The following MYO9A variants were observed in gnomAD, a reference collection of about 807,000 sequenced individuals.
The protein encoded by MYO9A is unconventional myosin-IXa.
A neutral mutation model predicts 293.3 loss-of-function variants in MYO9A; 103 were observed. The observed-to-expected ratio is 0.35, with a 90% CI of 0.30 to 0.41. The LOEUF (loss-of-function observed/expected upper bound fraction) is 0.41. Ranked by LOEUF, MYO9A falls within the 10% of genes least tolerant of loss-of-function variation. MYO9A has a pLI of 1.00. For missense variants in MYO9A, 2,685 were observed against 3,033.0 expected (o/e 0.89, Z 2.69); for synonymous variants, 1,001 against 1,035.7 (o/e 0.97, Z 0.64).
chr15:71,876,014 G>C (rs529072562), intron 31 of MYO9A, among the ~76,000 whole-genome samples, 176 bp from the exon 32 acceptor site: 34 of 152,236 alleles, frequency 2.2e-4, no homozygotes, highest in African/African-American at 8.2e-4. Flanking sequence ...TTTAAAATCT[G>C]ATAAAACATA....
At chr15:72,062,107 G>A (rs1024160403) in intron 1 of MYO9A, among the ~76,000 whole-genome samples, 1 of 152,208 alleles carries the variant, frequency 6.6e-6, no homozygotes, top group African/African-American at 2.4e-5. Context: ...GTACCTCTAC[G>A]AGTCTGCAAA....
chr15:71,824,882 G>GAGGCAGTGGCGTGAGGT lies in MYO9A; in HGVS notation c.*1681_*1697dup. The GAGGCAGTGGCGTGAGGT allele has an allele frequency of 6.6e-6, 1 of 152,144 alleles. No individual in the cohort carries two copies. The highest frequency in any genetic ancestry group is 1.5e-5 in the Non-Finnish European group (1 of 68,024). 9.4% of individuals were successfully genotyped at this position (152,144 alleles called of 1,614,324 possible). On this transcript the variant is annotated 3_prime_UTR_variant, in exon 42 of 42. Coordinates refer to ENST00000356056, the MANE Select transcript of MYO9A (RefSeq NM_006901.4). ...CCTCTGGGGCTGGCCAATAACCACT[G>GAGGCAGTGGCGTGAGGT]AGGCAGTGGCGTGAGGTTCAGTGTT...
intron 18 of MYO9A, among the ~76,000 whole-genome samples, chr15:71,918,568 T>C (rs974998037): frequency 1.3e-5 from 2 of 152,110 alleles, no homozygotes; most frequent in Non-Finnish European, 2.9e-5. Context: ...TTTGTTTTAC[T>C]TTTATTGGCA....
At chr15:72,015,008 T>C (rs2077289716) in intron 6 of MYO9A, among the ~76,000 whole-genome samples, 1 of 114,366 alleles carries the variant, frequency 8.7e-6, no homozygotes, top group South Asian at 3.4e-4. Context: ...CACGCCCTGC[T>C]AATTTTTTTT....
chr15:71,916,275 A>C (rs915521630), intron 19 of MYO9A, 95 bp downstream of exon 19: 71 of 1,388,280 alleles, frequency 5.1e-5, no homozygotes, highest in Non-Finnish European at 6.2e-5. Context: ...CATAAATTAA[A>C]ATCCCATTCA....
chr15:72,086,261 G>A (rs2079722855), intron 1 of MYO9A, among the ~76,000 whole-genome samples: 1 of 152,214 alleles, frequency 6.6e-6, no homozygotes, highest in Non-Finnish European at 1.5e-5. Flanking sequence ...AACTATGCAT[G>A]TGGTCACACT....
At position 71,854,511 on chromosome 15, in the gene MYO9A, T is replaced by C. The variant is rs779124710; in HGVS notation, c.6212A>G (p.Glu2071Gly). ...FGVELSRLTSEDRTVPLVVEK... is the reference protein window; with the variant it reads ...FGVELSRLTSGDRTVPLVVEK... Reference sequence around the variant, plus strand: ...CACTACTAAAGGAACAGTTCGGTCTTCACTGGTCAAACGGGACAGTTCAAC... The same window carrying C: ...CACTACTAAAGGAACAGTTCGGTCTCCACTGGTCAAACGGGACAGTTCAAC... The change falls in exon 35 of 42, where the codon GAA becomes GGA. Residue 2071 changes from glutamate to glycine, a missense_variant. Glu to Gly is a moderately conservative substitution (Grantham distance 98). Transcript: ENST00000356056. 3.7e-6 allele frequency: 6 copies of C among 1,613,048 alleles called. No homozygotes were observed. Among genetic ancestry groups the C allele is most frequent in the East Asian group, 2.2e-5 (1 of 44,856 alleles).
At chr15:72,026,865 GAAAGAT>G in intron 4 of MYO9A, among the ~76,000 whole-genome samples, 1 of 152,088 alleles carries the variant, frequency 6.6e-6, no homozygotes, top group East Asian at 1.9e-4. Context: ...CAAATTCCTA[GAAAGAT>G]AAAAACTACC....
chr15:72,076,428 A>C (rs1270229052), intron 1 of MYO9A, among the ~76,000 whole-genome samples: 1 of 150,328 alleles, frequency 6.7e-6, no homozygotes, highest in East Asian at 2.0e-4. Flanking sequence ...ATACAAGGTC[A>C]ATCTACACAA....
chr15:71,874,729 T>G (rs2056629028), intron 32 of MYO9A, among the ~76,000 whole-genome samples: 1 of 152,162 alleles, frequency 6.6e-6, no homozygotes, highest in African/African-American at 2.4e-5. Flanking sequence ...TTCAAAATAT[T>G]TTGAAGGTAG....
intron 40 of MYO9A, among the ~76,000 whole-genome samples, chr15:71,829,401 C>T (rs934915869): frequency 3.3e-5 from 5 of 152,046 alleles, no homozygotes; most frequent in African/African-American, 9.7e-5. Flanking sequence ...TCATCAATGT[C>T]GACCAGAACT....
At chr15:71,954,805 T>C (rs920573380) in intron 14 of MYO9A, among the ~76,000 whole-genome samples, 1 of 152,248 alleles carries the variant, frequency 6.6e-6, no homozygotes, top group Non-Finnish European at 1.5e-5. Context: ...GGACTTGGAC[T>C]ATGTAACAGA....
chr15:72,046,209 C>T lies in MYO9A; in HGVS notation c.355G>A (p.Gly119Ser). The T allele has an allele frequency of 6.2e-7, 1 of 1,613,946 alleles. No homozygotes were observed. The highest frequency in any genetic ancestry group is 8.5e-7 in the Non-Finnish European group (1 of 1,179,946). ...EKNLDGSIHYGSLQSWLRVTE... is the reference protein window; with the variant it reads ...EKNLDGSIHYSSLQSWLRVTE... ...ACCCGTAGCCATGACTGCAGGCTACCATAATGGATTGATCCATCAAGGTTT... is the reference window on the plus strand; with the variant it reads ...ACCCGTAGCCATGACTGCAGGCTACTATAATGGATTGATCCATCAAGGTTT... The change falls in exon 2 of 42, where the codon GGT becomes AGT. Residue 119 changes from glycine to serine, a missense_variant. Physicochemically the swap from Gly to Ser is moderately conservative, Grantham distance 56. This residue lies in a region of MYO9A where 63 missense variants were observed against 57.9 expected (regional missense o/e 1.09). Transcript: ENST00000356056.
chr15:71,854,137 C>T (rs371721298), intron 35 of MYO9A, among the ~76,000 whole-genome samples: 3 of 152,250 alleles, frequency 2.0e-5, no homozygotes, highest in Admixed American at 2.0e-4. Context: ...TAAATTATTA[C>T]AAAAATTAAA....
chr15:71,910,089 TATATATATATAC>T (rs2144352826), intron 19 of MYO9A, among the ~76,000 whole-genome samples: 1 of 146,884 alleles, frequency 6.8e-6, no homozygotes, highest in African/African-American at 2.5e-5. Flanking sequence ...TATATACACG[TATATATATATAC>T]GTATATATAT....
At position 72,079,036 on chromosome 15, in the gene MYO9A, CG is replaced by C. The variant is rs150795203; in HGVS notation, c.-71-32403del. Among the ~76,000 whole-genome samples, 635 of 152,260 alleles carry C rather than the reference CG, an allele frequency of 4.2e-3. 5 individuals are homozygous for C. Among genetic ancestry groups the C allele is most frequent in the African/African-American group, 0.015 (608 of 41,530 alleles). ...GAAACTATTCTCTATGATACTGTAA[CG>C]GTACAGACATGTCATTATACATCTG... On this transcript the variant is annotated intron_variant, in intron 1 of 41. Coordinates refer to ENST00000356056, the MANE Select transcript of MYO9A (RefSeq NM_006901.4).
chr15:71,826,436 G>C lies in MYO9A; in HGVS notation c.*144C>G, dbSNP rs2625529. The C allele has an allele frequency of 0.24, 183,336 of 765,274 alleles. 23,133 individuals are homozygous for C. Among genetic ancestry groups the C allele is most frequent in the East Asian group, 0.38 (13,627 of 35,768 alleles). The allele number at this position is 765,274 out of a possible 1,614,324, so 47.4% of individuals were successfully genotyped here. ...CTTCTGCAGGAGGCCCAGGAATTCA[G>C]CACATACAGTCTTAGCCATATGCTT... On this transcript the variant is annotated 3_prime_UTR_variant, in exon 42 of 42. Coordinates refer to ENST00000356056, the MANE Select transcript of MYO9A (RefSeq NM_006901.4).
chr15:71,842,791 C>T (rs796181210), intron 39 of MYO9A, among the ~76,000 whole-genome samples: 11 of 150,850 alleles, frequency 7.3e-5, no homozygotes, highest in African/African-American at 1.5e-4. Flanking sequence ...ACCCAGGAGG[C>T]GGAGCTTGCA....
intron 39 of MYO9A, among the ~76,000 whole-genome samples, chr15:71,830,548 C>T (rs2054681028): frequency 6.6e-6 from 1 of 152,138 alleles, no homozygotes; most frequent in Non-Finnish European, 1.5e-5. Flanking sequence ...TGTAAGAACC[C>T]ATTGTGTACT....
Sources: allele counts gnomAD v4.1 joint callset (sites outside exome capture counted in the v4.1 genomes callset), GRCh38; gene constraint gnomAD v4.1.1; regional missense constraint gnomAD v4.1.1; transcripts MANE v1.5; gene names NCBI Gene and HGNC (gene_info 2026-07-23, HGNC 2026-07-21).